Variants in GABRG3 observed in about 807,000 individuals in gnomAD.
GABRG3 encodes gamma-aminobutyric acid type A receptor subunit gamma3.
Under a neutral mutation model 48.8 loss-of-function variants are expected in GABRG3, and 25 were observed. That is an observed-to-expected ratio of 0.51 (90% CI 0.37 to 0.72). The LOEUF is 0.72. Among genes scored for constraint, GABRG3 ranks in the 30% least tolerant of loss-of-function variants. The pLI is 0.00. For missense variants in GABRG3, 394 were observed against 577.9 expected (o/e 0.68, Z 3.26); for synonymous variants, 227 against 217.6 (o/e 1.04, Z -0.38).
At chr15:27,363,328 G>T (rs1337763094) in intron 5 of GABRG3, 1 of 152,000 alleles carries the variant, frequency 6.6e-6, no homozygotes, top group Admixed American at 6.6e-5. Context: ...CCACCAGGAA[G>T]TCCCACCCAG....
intron 2 of GABRG3, among the ~76,000 whole-genome samples, chr15:27,005,357 C>A (rs368309341): frequency 6.6e-6 from 1 of 152,104 alleles, no homozygotes; most frequent in African/African-American, 2.4e-5. Context: ...CAGGCCACCA[C>A]GCCCAGCTTT....
intron 2 of GABRG3, among the ~76,000 whole-genome samples, chr15:26,983,095 C>G (rs973418985): frequency 6.6e-5 from 10 of 152,068 alleles, no homozygotes; most frequent in African/African-American, 1.9e-4. Context: ...CTCAGAAGGG[C>G]TCTGCTTTAA....
intron 5 of GABRG3, among the ~76,000 whole-genome samples, chr15:27,392,204 C>T (rs977063691): frequency 3.9e-5 from 6 of 152,186 alleles, no homozygotes; most frequent in African/African-American, 1.4e-4. Context: ...TAACTAGCCT[C>T]CACGCTTTGT....
intron 3 of GABRG3, among the ~76,000 whole-genome samples, chr15:27,279,702 A>C (rs1026080537): frequency 7.9e-5 from 12 of 152,186 alleles, no homozygotes; most frequent in African/African-American, 2.7e-4. Flanking sequence ...TAAAGTAATA[A>C]ACTACTACTT....
At chr15:27,509,320 G>A (rs1005862301) in intron 6 of GABRG3, among the ~76,000 whole-genome samples, 2 of 147,698 alleles carry the variant, frequency 1.4e-5, no homozygotes. Flanking sequence ...TGTAGTTGGG[G>A]GGTTTGTTAT....
chr15:27,311,647 A>G (rs1892997152), intron 3 of GABRG3, among the ~76,000 whole-genome samples: 1 of 151,992 alleles, frequency 6.6e-6, no homozygotes, highest in Non-Finnish European at 1.5e-5. Context: ...TAGGGAAAAA[A>G]AAAACAGTTA....
chr15:27,520,344 T>G (rs1891129328), intron 7 of GABRG3, among the ~76,000 whole-genome samples: 1 of 152,000 alleles, frequency 6.6e-6, no homozygotes, highest in Non-Finnish European at 1.5e-5. Context: ...CGTAGGAGAT[T>G]CACAGTAAAT....
chr15:27,371,886 A>C (rs1895428096), intron 5 of GABRG3, among the ~76,000 whole-genome samples: 1 of 152,216 alleles, frequency 6.6e-6, no homozygotes, highest in Non-Finnish European at 1.5e-5. Flanking sequence ...GGCAACATAC[A>C]ATTTGATAAT....
intron 3 of GABRG3, among the ~76,000 whole-genome samples, chr15:27,057,798 G>T (rs1459911574): frequency 6.6e-6 from 1 of 152,154 alleles, no homozygotes; most frequent in African/African-American, 2.4e-5. Context: ...TCGAGACATA[G>T]AAAAGCCATG....
At chr15:27,411,429 T>G (rs1486856292) in intron 5 of GABRG3, among the ~76,000 whole-genome samples, 4 of 152,102 alleles carry the variant, frequency 2.6e-5, no homozygotes, top group Non-Finnish European at 4.4e-5. Context: ...GTCACAGAAA[T>G]GAGAAATGGG....
intron 3 of GABRG3, among the ~76,000 whole-genome samples, chr15:27,238,291 G>A (rs1051642981): frequency 3.9e-5 from 6 of 152,228 alleles, no homozygotes; most frequent in African/African-American, 1.4e-4. Flanking sequence ...AGACAGTGTT[G>A]TCTGACCGTG....
At chr15:27,147,514 A>G (rs1464180837) in intron 3 of GABRG3, among the ~76,000 whole-genome samples, 1 of 152,078 alleles carries the variant, frequency 6.6e-6, no homozygotes, top group African/African-American at 2.4e-5. Flanking sequence ...ATTCTTTTCA[A>G]GTGTATTGTA....
intron 3 of GABRG3, among the ~76,000 whole-genome samples, chr15:27,169,800 A>G (rs1887504017): frequency 6.6e-6 from 1 of 152,188 alleles, no homozygotes; most frequent in East Asian, 1.9e-4. Context: ...AAAAAAATCC[A>G]AAAGCAGCCA....
intron 5 of GABRG3, among the ~76,000 whole-genome samples, chr15:27,417,145 G>A (rs534043025): frequency 7.9e-5 from 12 of 152,220 alleles, no homozygotes; most frequent in African/African-American, 2.6e-4. Flanking sequence ...GGTATGCAGT[G>A]GGTAGAGCCT....
intron 2 of GABRG3, among the ~76,000 whole-genome samples, chr15:27,025,773 A>G (rs1007123690): frequency 3.9e-5 from 6 of 152,208 alleles, no homozygotes; most frequent in African/African-American, 1.2e-4. Context: ...ACATAATTGC[A>G]TAGACTACAC....
chr15:27,264,924 T>A lies in GABRG3; in HGVS notation c.271-61885T>A, dbSNP rs189998460. Among the ~76,000 whole-genome samples the A allele has an allele frequency of 4.4e-3, 676 of 152,152 alleles. 2 individuals are homozygous for A. The highest frequency in any genetic ancestry group is 0.015 in the African/African-American group (633 of 41,510). The stretch of plus-strand genomic sequence containing the variant: ...TTATCTTTTATACCTTATAAAAATT[T>A]AAAAAAACAAAAACAACCAACTTCT... On this transcript the variant is annotated intron_variant, in intron 3 of 9. Transcript: ENST00000615808.
At chr15:27,264,397 T>C (rs1490218903) in intron 3 of GABRG3, among the ~76,000 whole-genome samples, 1 of 152,142 alleles carries the variant, frequency 6.6e-6, no homozygotes, top group Admixed American at 6.5e-5. Flanking sequence ...GTTTATCCCC[T>C]TATAAAATAC....
At chr15:27,290,487 C>G (rs1891760052) in intron 3 of GABRG3, among the ~76,000 whole-genome samples, 1 of 152,104 alleles carries the variant, frequency 6.6e-6, no homozygotes, top group African/African-American at 2.4e-5. Context: ...GTGACATCAG[C>G]AGGGCTAAAT....
chr15:27,326,758 CAGAACATTTATTAAT>C, intron 3 of GABRG3, 36 bp from the exon 4 acceptor site: 1 of 1,417,276 alleles, frequency 7.1e-7, no homozygotes, highest in Non-Finnish European at 1.0e-6. Context: ...ACAAATTATA[CAGAACATTTATTAAT>C]AGAACTGTCT....
Sources: gnomAD v4.1 joint callset for allele counts (sites outside exome capture counted in the v4.1 genomes callset) on GRCh38, gnomAD v4.1.1 for gene constraint, MANE v1.5 for transcripts, NCBI Gene and HGNC (gene_info 2026-07-23, HGNC 2026-07-21) for gene names.